Variants in AGAP3 observed in about 807,000 individuals in gnomAD.
The protein encoded by AGAP3 is arf-GAP with GTPase, ANK repeat and PH domain-containing protein 3.
In AGAP3, 24 loss-of-function variants were observed where a neutral mutation model predicts 96.9. That is an observed-to-expected ratio of 0.25 (90% confidence interval 0.18 to 0.35). The LOEUF is 0.35. Among genes scored for constraint, AGAP3 ranks in the 10% least tolerant of loss-of-function variants. AGAP3 has a pLI of 1.00. For synonymous variants in AGAP3, 563 were observed against 536.1 expected (o/e 1.05, Z -0.69); for missense variants, 876 against 1,254.2 (o/e 0.70, Z 4.55).
At chr7:151,115,014 C>T in intron 1 of AGAP3, 2 of 990,054 alleles carry the variant, frequency 2.0e-6, no homozygotes, top group Non-Finnish European at 2.4e-6. Context: ...CCTCCTGCGC[C>T]CGCGCCTCGG....
chr7:151,107,905 T>C (rs1351456221), intron 1 of AGAP3, among the ~76,000 whole-genome samples: 1 of 152,208 alleles, frequency 6.6e-6, no homozygotes, highest in Non-Finnish European at 1.5e-5. Flanking sequence ...GCCCCCACCG[T>C]CCCACCCTGT....
At chr7:151,122,824 C>A (rs1206286223) in intron 8 of AGAP3, 22 of 1,612,972 alleles carry the variant, frequency 1.4e-5, no homozygotes, top group Non-Finnish European at 1.9e-5. Flanking sequence ...TCTGGACATG[C>A]CCCCTGTGCG....
chr7:151,137,565 C>T (rs1212854643), intron 11 of AGAP3, among the ~76,000 whole-genome samples: 1 of 152,116 alleles, frequency 6.6e-6, no homozygotes, highest in Admixed American at 6.5e-5. Flanking sequence ...CTGCCGGCCG[C>T]CGCGCCTGCC....
chr7:151,126,156 G>C (rs920401030), intron 9 of AGAP3, among the ~76,000 whole-genome samples: 3 of 152,196 alleles, frequency 2.0e-5, no homozygotes, highest in Admixed American at 1.3e-4. Context: ...TGGGGAGGGC[G>C]TTGCCGAGGA....
chr7:151,097,407 C>T (rs548496815), intron 1 of AGAP3, among the ~76,000 whole-genome samples: 1 of 151,024 alleles, frequency 6.6e-6, no homozygotes, highest in South Asian at 2.1e-4. Context: ...TGGTGGGCAC[C>T]TGTAATTCCA....
At chr7:151,103,305 A>T (rs1798906831) in intron 1 of AGAP3, among the ~76,000 whole-genome samples, 1 of 152,216 alleles carries the variant, frequency 6.6e-6, no homozygotes, top group African/African-American at 2.4e-5. Context: ...CTGTGCTGCC[A>T]CCTTTATGCA....
At chr7:151,123,250 T>G in intron 8 of AGAP3, 1 of 1,059,238 alleles carries the variant, frequency 9.4e-7, no homozygotes, top group Non-Finnish European at 1.1e-6. Flanking sequence ...CCCTATTTCC[T>G]AGGATCCGCA....
chr7:151,111,857 C>T (rs956797234), intron 1 of AGAP3, among the ~76,000 whole-genome samples: 6 of 152,162 alleles, frequency 3.9e-5, no homozygotes, highest in African/African-American at 1.4e-4. Flanking sequence ...CCAGCGTTTC[C>T]GGTGGCCTTA....
chr7:151,134,316 GGA>G, intron 10 of AGAP3, 82 bp from the exon 11 acceptor site: 1 of 1,478,706 alleles, frequency 6.8e-7, no homozygotes, highest in Non-Finnish European at 9.4e-7. Flanking sequence ...CCCACAGCAG[GGA>G]GAGACCTAGG....
Position 151,141,899 on chromosome 7 carries a change from G to A in AGAP3, c.1806G>A (p.Glu602=). The A allele has an allele frequency of 6.2e-7, 1 of 1,614,162 alleles. No homozygotes were observed. Among genetic ancestry groups the A allele is most frequent in the Non-Finnish European group, 8.5e-7 (1 of 1,180,014 alleles). The change falls in exon 14 of 18, where the codon GAG becomes GAA. Residue 602 remains glutamate (E), a splice_region_variant and synonymous_variant. Transcript: ENST00000397238. The surrounding 1 kb of genome is among the most constrained non-coding windows in gnomAD (Gnocchi z 4.2). The part of the protein sequence containing the change: ...RPDGPSSATE[E]AEESFEFVVV... ...ATGGCATAAACACCCCCCCAACAGAGGCAGAGGAGTCGTTTGAATTTGTGG... is the reference window on the plus strand; with the variant it reads ...ATGGCATAAACACCCCCCCAACAGAAGCAGAGGAGTCGTTTGAATTTGTGG...
rs1186801140 is a variant in AGAP3, at chr7:151,143,934, C to T, written c.2727C>T (p.Ser909=). ...NPSAELHRSP[S]LL Reference sequence around the variant, plus strand: ...CTGCTGAGCTGCACCGTAGTCCTAGCCTCCTATAAGGCCCAGGAAGAGGGC... The same window carrying T: ...CTGCTGAGCTGCACCGTAGTCCTAGTCTCCTATAAGGCCCAGGAAGAGGGC... The change falls in exon 18 of 18, where the codon AGC becomes AGT. Residue 909 remains serine (S), a synonymous_variant. Coordinates refer to ENST00000397238, the MANE Select transcript of AGAP3 (RefSeq NM_031946.7). This position sits in a 1 kb window ranked among gnomAD's most constrained non-coding sequence, Gnocchi z 5.9. 6.2e-7 allele frequency: 1 copy of T among 1,613,900 alleles called. No homozygotes were observed. Among genetic ancestry groups the T allele is most frequent in the Non-Finnish European group, 8.5e-7 (1 of 1,179,924 alleles).
In AGAP3 at chr7:151,140,211, A is replaced by T; in HGVS notation, c.1804+95A>T. 1 of 1,299,468 alleles carries T rather than the reference A, an allele frequency of 7.7e-7. No homozygotes were observed. The highest frequency in any genetic ancestry group is 3.1e-5 in the East Asian group (1 of 32,644). The allele number at this position is 1,299,468 out of a possible 1,614,324, so 80.5% of individuals were successfully genotyped here. ...GTAACACCTATTTTTTATTTTTTGT[A>T]TTCAGTGGATTAAGCACTTTCTAGT... On this transcript the variant is annotated intron_variant, in intron 13 of 17. Transcript: ENST00000397238. The surrounding 1 kb of genome is among the most constrained non-coding windows in gnomAD (Gnocchi z 5.4).
At position 151,120,086 on chromosome 7, in the gene AGAP3, GCCT is replaced by G. The variant is rs769749948; in HGVS notation, c.1075_1077del (p.Ser359del). 2.5e-6 allele frequency: 4 copies of G among 1,613,822 alleles called. No homozygotes were observed. Among genetic ancestry groups the G allele is most frequent in the Non-Finnish European group, 3.4e-6 (4 of 1,179,896 alleles). Reference sequence around the variant, plus strand: ...GGAGCTGCGCATCGAGACCATCGCTGCCTCCTCCACCCCCACACCCATCCGAAA... The same window carrying G: ...GGAGCTGCGCATCGAGACCATCGCTGCCTCCACCCCCACACCCATCCGAAA... On this transcript the variant is annotated inframe_deletion, in exon 8 of 18. Coordinates refer to ENST00000397238, the MANE Select transcript of AGAP3 (RefSeq NM_031946.7).
At chr7:151,100,558 A>G (rs1447091013) in intron 1 of AGAP3, among the ~76,000 whole-genome samples, 1 of 152,240 alleles carries the variant, frequency 6.6e-6, no homozygotes, top group Admixed American at 6.5e-5. Flanking sequence ...CGGGCCGGGC[A>G]CAGTGGTTCA....
intron 1 of AGAP3, 48 bp downstream of exon 1, chr7:151,087,120 G>A: frequency 1.3e-6 from 2 of 1,545,390 alleles, no homozygotes; most frequent in Non-Finnish European, 1.8e-6. Context: ...TGGCCTCTCC[G>A]GCGCCGGCCG....
Position 151,106,629 on chromosome 7 carries a change from C to T in AGAP3, c.332-10164C>T, listed in dbSNP as rs1044857618. 7.2e-5 allele frequency among the ~76,000 whole-genome samples: 11 copies of T among 152,092 alleles called. 1 individual carries two copies. Among genetic ancestry groups the T allele is most frequent in the Non-Finnish European group, 1.0e-4 (7 of 68,034 alleles). ...AGTATCTGGGATTACAGGCACGTAC[C>T]ACCACACCCAGCTAAATTTTGTATT... On this transcript the variant is annotated intron_variant, in intron 1 of 17. Coordinates refer to ENST00000397238, the MANE Select transcript of AGAP3 (RefSeq NM_031946.7).
chr7:151,144,147 C>G lies in AGAP3; in HGVS notation c.*204C>G. 1.6e-6 allele frequency: 1 copy of G among 639,908 alleles called. No homozygotes were observed. The highest frequency in any genetic ancestry group is 2.7e-6 in the Non-Finnish European group (1 of 374,850). 39.6% of individuals were successfully genotyped at this position (639,908 alleles called of 1,614,324 possible). A position where few individuals can be genotyped will look rare whatever the true frequency, so the allele number is the denominator to read the frequency against. ...GCAGAGAGGGATGAGGGATTTAGCC[C>G]TCTGCCCTAAGGTGCCATTGAAAAG... On this transcript the variant is annotated 3_prime_UTR_variant, in exon 18 of 18. Transcript: ENST00000397238.
At chr7:151,093,781 G>T (rs529493945) in intron 1 of AGAP3, among the ~76,000 whole-genome samples, 2 of 152,344 alleles carry the variant, frequency 1.3e-5, no homozygotes, top group East Asian at 3.9e-4. Flanking sequence ...GGATACCTGG[G>T]TTCCCGTCCC....
intron 1 of AGAP3, among the ~76,000 whole-genome samples, chr7:151,099,126 G>A (rs924300797): frequency 3.3e-5 from 5 of 151,818 alleles, no homozygotes; most frequent in African/African-American, 4.8e-5. Context: ...GGCGGATCAC[G>A]AGGTCAGGAG....
Sources: gnomAD v4.1 joint callset for allele counts (sites outside exome capture counted in the v4.1 genomes callset) on GRCh38, gnomAD v4.1.1 for gene constraint, Gnocchi (gnomAD v3.1) non-coding constraint, MANE v1.5 for transcripts, NCBI Gene and HGNC (gene_info 2026-07-23, HGNC 2026-07-21) for gene names.